WDR7: variants seen among roughly 807,000 people sequenced by gnomAD.
WDR7 encodes WD repeat-containing protein 7.
A neutral mutation model predicts 169.4 loss-of-function variants in WDR7; 46 were observed. That is an observed-to-expected ratio of 0.27 (90% CI 0.21 to 0.35). The LOEUF (loss-of-function observed/expected upper bound fraction) is 0.35. Ranked by LOEUF, WDR7 falls within the 10% of genes least tolerant of loss-of-function variation. The pLI is 1.00. For missense variants in WDR7, 1,534 were observed against 1,859.3 expected, an observed-to-expected ratio of 0.83 and a Z score of 3.22; for synonymous variants, 612 against 666.8, an observed-to-expected ratio of 0.92 and a Z score of 1.27.
At chr18:56,887,980 G>A (rs1468684993) in intron 21 of WDR7, among the ~76,000 whole-genome samples, 1 of 151,860 alleles carries the variant, frequency 6.6e-6, no homozygotes, top group Non-Finnish European at 1.5e-5. Flanking sequence ...ACTCTTTATG[G>A]CATCCTATTG....
chr18:56,788,819 T>C (rs1275122969), intron 19 of WDR7, among the ~76,000 whole-genome samples: 1 of 152,176 alleles, frequency 6.6e-6, no homozygotes, highest in Non-Finnish European at 1.5e-5. Flanking sequence ...ACAAAGCCAA[T>C]TGGAAATGAT....
At chr18:56,696,594 A>G in intron 12 of WDR7, 132 bp downstream of exon 12, 6 of 817,162 alleles carry the variant, frequency 7.3e-6, no homozygotes, top group Non-Finnish European at 1.1e-5. Context: ...TTTCAATTTT[A>G]AAACTAAAAT....
At chr18:56,793,801 A>G (rs2044534614) in intron 19 of WDR7, among the ~76,000 whole-genome samples, 1 of 152,196 alleles carries the variant, frequency 6.6e-6, no homozygotes, top group Non-Finnish European at 1.5e-5. Flanking sequence ...AAACATTTAA[A>G]TGCTTCTTTA....
At chr18:56,874,647 A>G (rs2045998665) in intron 20 of WDR7, among the ~76,000 whole-genome samples, 1 of 152,168 alleles carries the variant, frequency 6.6e-6, no homozygotes, top group Admixed American at 6.5e-5. Context: ...TTTCATAACT[A>G]AACTTTTACG....
Position 56,749,524 on chromosome 18 carries a change from A to G in WDR7, c.1990-7059A>G, listed in dbSNP as rs186016028. Reference sequence around the variant, plus strand: ...TAACTCTTCTGCTTTATACTTTAGCATGAAAATCAGCCTATGTCTGTACTG... The same window carrying G: ...TAACTCTTCTGCTTTATACTTTAGCGTGAAAATCAGCCTATGTCTGTACTG... On this transcript the variant is annotated intron_variant, in intron 14 of 27. Transcript: ENST00000254442. 9.2e-5 allele frequency among the ~76,000 whole-genome samples: 14 copies of G among 152,138 alleles called. No homozygotes were observed. The East Asian group carries it at 2.1e-3, about 23-fold the overall frequency.
At chr18:56,923,071 G>A (rs1008632866) in intron 21 of WDR7, among the ~76,000 whole-genome samples, 1 of 152,090 alleles carries the variant, frequency 6.6e-6, no homozygotes, top group African/African-American at 2.4e-5. Context: ...ATACTGTACT[G>A]TTCTGTGACT....
In WDR7 at chr18:56,960,006, A is replaced by C. The variant is rs529870645; in HGVS notation, c.4065-2424A>C. Among the ~76,000 whole-genome samples the C allele has an allele frequency of 1.7e-4, 26 of 152,264 alleles. 1 individual carries two copies. In the South Asian group the frequency reaches 5.0e-3, roughly 29 times the overall value. Reference sequence around the variant, plus strand: ...GTACATACCACTGATTTCTTTTGTTAAGAGAGCCACTGCTAAAGGAATAAA... The same window carrying C: ...GTACATACCACTGATTTCTTTTGTTCAGAGAGCCACTGCTAAAGGAATAAA... On this transcript the variant is annotated intron_variant, in intron 25 of 27. Transcript: ENST00000254442.
chr18:56,672,441 T>C (rs1379211835), intron 1 of WDR7, 56 bp from the exon 2 acceptor site: 1 of 1,339,980 alleles, frequency 7.5e-7, no homozygotes, highest in African/African-American at 1.5e-5. Flanking sequence ...CAAAAATATA[T>C]AACATGTTTT....
chr18:56,743,171 G>A (rs1163330878), intron 14 of WDR7, among the ~76,000 whole-genome samples: 29 of 152,110 alleles, frequency 1.9e-4, no homozygotes, highest in Admixed American at 1.8e-3. Flanking sequence ...GTGTGATATC[G>A]AATGTAAAAG....
At chr18:57,020,612 A>AT (rs1304466393) in intron 26 of WDR7, 133 bp from the exon 27 acceptor site, 2 of 815,264 alleles carry the variant, frequency 2.5e-6, no homozygotes, top group Admixed American at 5.3e-5. Context: ...TTCTAAGCTG[A>AT]TTTTATAAAC....
At chr18:57,022,986 A>C (rs1258890030) in intron 27 of WDR7, among the ~76,000 whole-genome samples, 1 of 152,252 alleles carries the variant, frequency 6.6e-6, no homozygotes. Context: ...CACATGCCAA[A>C]GCCAAAGCAG....
At chr18:56,988,883 G>T (rs778366369) in intron 26 of WDR7, among the ~76,000 whole-genome samples, 3 of 152,030 alleles carry the variant, frequency 2.0e-5, no homozygotes, top group Non-Finnish European at 4.4e-5. Flanking sequence ...TAGTTTTGTA[G>T]CCTTGTTTTT....
chr18:56,777,654 A>G (rs891814005), intron 17 of WDR7, among the ~76,000 whole-genome samples: 5 of 152,186 alleles, frequency 3.3e-5, no homozygotes, highest in African/African-American at 1.2e-4. Flanking sequence ...AAAAAGGAAG[A>G]CATTTTCAAA....
intron 21 of WDR7, among the ~76,000 whole-genome samples, chr18:56,899,854 C>A (rs190818303): frequency 7.8e-4 from 119 of 152,054 alleles, no homozygotes; most frequent in African/African-American, 2.9e-3. Flanking sequence ...TTTCCATTGA[C>A]AAAGTGCTGA....
At chr18:56,683,733 G>C (rs1228163113) in intron 5 of WDR7, among the ~76,000 whole-genome samples, 1 of 152,180 alleles carries the variant, frequency 6.6e-6, no homozygotes, top group African/African-American at 2.4e-5. Context: ...CCCCGGAGTA[G>C]TTACTTTAAC....
intron 26 of WDR7, among the ~76,000 whole-genome samples, chr18:56,968,349 T>C (rs2047440574): frequency 6.6e-6 from 1 of 152,130 alleles, no homozygotes; most frequent in African/African-American, 2.4e-5. Context: ...TAATATGACA[T>C]GGTAAACCAA....
chr18:56,978,625 G>A (rs1235544587), intron 26 of WDR7, among the ~76,000 whole-genome samples: 1 of 152,156 alleles, frequency 6.6e-6, no homozygotes, highest in Non-Finnish European at 1.5e-5. Context: ...TGTGTGTTTA[G>A]TTCTCCATGG....
intron 20 of WDR7, among the ~76,000 whole-genome samples, chr18:56,870,899 GGAC>G (rs1174911292): frequency 6.6e-6 from 1 of 152,080 alleles, no homozygotes; most frequent in Non-Finnish European, 1.5e-5. Context: ...TATTTTGATT[GGAC>G]ACATTTCACT....
chr18:56,894,789 G>C (rs977443672), intron 21 of WDR7, among the ~76,000 whole-genome samples: 2 of 152,088 alleles, frequency 1.3e-5, no homozygotes, highest in South Asian at 2.1e-4. Flanking sequence ...CTTTCTCTTT[G>C]ATTATGTAAC....
Sources: gnomAD v4.1 joint callset for allele counts (sites outside exome capture counted in the v4.1 genomes callset) on GRCh38, gnomAD v4.1.1 for gene constraint, MANE v1.5 for transcripts, NCBI Gene and HGNC (gene_info 2026-07-23, HGNC 2026-07-21) for gene names.